NLRC4: variants seen among roughly 807,000 people sequenced by gnomAD.
NLRC4 encodes the protein NLR family CARD domain-containing protein 4.
Under a neutral mutation model 79.9 loss-of-function variants are expected in NLRC4, and 63 were observed. That is an observed-to-expected ratio of 0.79 (90% CI 0.64 to 0.97). The LOEUF is 0.97. Ranked by LOEUF, NLRC4 falls within the 50% of genes least tolerant of loss-of-function variation. The probability of loss-of-function intolerance (pLI) is 0.00; values close to 1 mark genes in which losing one functional copy is unlikely to be tolerated. For synonymous variants in NLRC4, 461 were observed against 456.5 expected, an observed-to-expected ratio of 1.01 and a Z score of -0.12; for missense variants, 1,074 against 1,215.2, an observed-to-expected ratio of 0.88 and a Z score of 1.73.
chr2:32,247,298 T>C (rs927554721), intron 4 of NLRC4, among the ~76,000 whole-genome samples: 1 of 151,220 alleles, frequency 6.6e-6, no homozygotes, highest in Non-Finnish European at 1.5e-5. Context: ...AACCTGCGTA[T>C]ATATTTATTT....
intron 1 of NLRC4, among the ~76,000 whole-genome samples, chr2:32,263,167 C>G (rs1407234778): frequency 6.6e-6 from 1 of 151,954 alleles, no homozygotes; most frequent in Non-Finnish European, 1.5e-5. Flanking sequence ...GGAAAGAGTA[C>G]ATATAATTAG....
chr2:32,241,170 A>G, intron 4 of NLRC4, 45 bp from the exon 5 acceptor site: 4 of 1,146,242 alleles, frequency 3.5e-6, no homozygotes, highest in Non-Finnish European at 5.2e-6. Flanking sequence ...GATATTTGCT[A>G]TTTACTATGT....
At chr2:32,264,533 C>T (rs1687424438) in intron 1 of NLRC4, among the ~76,000 whole-genome samples, 1 of 151,686 alleles carries the variant, frequency 6.6e-6, no homozygotes, top group African/African-American at 2.4e-5. Context: ...GTACATGTAC[C>T]CCTTGAACCT....
At chr2:32,226,067 G>A (rs563114753) in intron 8 of NLRC4, among the ~76,000 whole-genome samples, 28 of 152,216 alleles carry the variant, frequency 1.8e-4, no homozygotes, top group African/African-American at 6.7e-4. Flanking sequence ...GGAAAGATTC[G>A]GTGCTGTACA....
At chr2:32,252,325 G>T in intron 3 of NLRC4, 94 bp downstream of exon 3, 1 of 906,774 alleles carries the variant, frequency 1.1e-6, no homozygotes, top group Non-Finnish European at 1.7e-6. Flanking sequence ...GATATGAAGA[G>T]AAGGAAAAGC....
chr2:32,256,075 A>T (rs1427503092), intron 2 of NLRC4, among the ~76,000 whole-genome samples: 2 of 152,122 alleles, frequency 1.3e-5, no homozygotes, highest in Admixed American at 1.3e-4. Flanking sequence ...TTATTTTACT[A>T]TGTTATATCT....
chr2:32,225,516 A>C (rs1235741841), intron 8 of NLRC4, among the ~76,000 whole-genome samples: 1 of 152,014 alleles, frequency 6.6e-6, no homozygotes, highest in Non-Finnish European at 1.5e-5. Flanking sequence ...CTGGAACCCA[A>C]GTGAGTCTTG....
chr2:32,257,268 A>G (rs1459265688), intron 1 of NLRC4, among the ~76,000 whole-genome samples: 2 of 152,188 alleles, frequency 1.3e-5, no homozygotes, highest in Non-Finnish European at 2.9e-5. Context: ...GGAATCATCC[A>G]GGGAGGAAGT....
intron 3 of NLRC4, 41 bp downstream of exon 3, chr2:32,252,378 T>C (rs1342822633): frequency 2.7e-6 from 4 of 1,488,978 alleles, no homozygotes; most frequent in Non-Finnish European, 3.7e-6. Context: ...TTGTGGTCTA[T>C]TCTACTTGCA....
intron 8 of NLRC4, among the ~76,000 whole-genome samples, chr2:32,227,339 C>G (rs1183343939): frequency 6.6e-6 from 1 of 152,208 alleles, no homozygotes; most frequent in Non-Finnish European, 1.5e-5. Context: ...CTATGCCCAG[C>G]CCAAATAGTA....
chr2:32,252,562 A>C lies in NLRC4; in HGVS notation c.119T>G (p.Ile40Ser), dbSNP rs761429797. 6.2e-7 allele frequency: 1 copy of C among 1,614,206 alleles called. No homozygotes were observed. The highest frequency in any genetic ancestry group is 8.5e-7 in the Non-Finnish European group (1 of 1,180,032). Residue 40 changes from isoleucine (I) to serine (S), a missense_variant, in exon 3 of 9, where the codon ATC becomes AGC. By Grantham distance (142) the Ile-to-Ser change is moderately radical. Transcript: ENST00000402280. ...CTGCTCCACCTTCTCGCAGCAAATG[A>C]TGTTTACTTCTTCGCGATTCAGAAC... ...WNVLNREEVNIICCEKVEQDA... is the reference protein window; with the variant it reads ...WNVLNREEVNSICCEKVEQDA...
In NLRC4 at chr2:32,252,662, T is replaced by C; in HGVS notation, c.19A>G (p.Asn7Asp). Residue 7 changes from asparagine (N) to aspartate (D), a missense_variant, in exon 3 of 9, where the codon AAT becomes GAT. Physicochemically the swap from Asn to Asp is conservative, Grantham distance 23. Transcript: ENST00000402280. MNFIKD[N>D]SRALIQRMGM... is the part of the protein sequence containing the mutation. ...ATTCTTTGAATAAGGGCTCGGCTAT[T>C]GTCCTTTATGAAATTCACTGAGGAG... is the stretch of plus-strand genomic sequence containing the variant. 1 of 1,613,166 alleles carries C rather than the reference T, an allele frequency of 6.2e-7. No homozygotes were observed. Among genetic ancestry groups the C allele is most frequent in the Non-Finnish European group, 8.5e-7 (1 of 1,179,092 alleles).
rs369824099 is a variant in NLRC4 at position 32,255,804 on chromosome 2, G to T, written c.1+971C>A. Among the ~76,000 whole-genome samples the T allele has an allele frequency of 2.6e-5, 4 of 152,200 alleles. No homozygotes were observed. The East Asian group carries it at 7.7e-4, about 29-fold the overall frequency. Reference sequence around the variant, plus strand: ...CCGAGGCGGGTGGATCACGAGGTCAGGAGATCGAGATCATCCTGGCTAATA... The same window carrying T: ...CCGAGGCGGGTGGATCACGAGGTCATGAGATCGAGATCATCCTGGCTAATA... On this transcript the variant is annotated intron_variant, in intron 2 of 8. Coordinates refer to ENST00000402280, the MANE Select transcript of NLRC4 (RefSeq NM_001199138.2).
In NLRC4 at chr2:32,249,594, A is replaced by T. The variant is rs766009485; in HGVS notation, c.2257+13T>A. The T allele has an allele frequency of 6.5e-7, 1 of 1,548,942 alleles. No homozygotes were observed. Among genetic ancestry groups the T allele is most frequent in the Non-Finnish European group, 8.7e-7 (1 of 1,147,194 alleles). ...TAAGTGAACAAAGCACAAACCACTG[A>T]TATTTACAATACCCGGCAGCCGTTG... is the stretch of plus-strand genomic sequence containing the variant. On this transcript the variant is annotated intron_variant, in intron 4 of 8. Transcript: ENST00000402280.
At chr2:32,231,316 G>A (rs1019338102) in intron 8 of NLRC4, among the ~76,000 whole-genome samples, 2 of 151,544 alleles carry the variant, frequency 1.3e-5, no homozygotes, top group African/African-American at 2.4e-5. Flanking sequence ...CACCACGCCC[G>A]GCTAATTTTT....
At chr2:32,253,754 C>T (rs1274389253) in intron 2 of NLRC4, among the ~76,000 whole-genome samples, 2 of 151,778 alleles carry the variant, frequency 1.3e-5, no homozygotes. Context: ...CACCAGAGGT[C>T]GGGAGTTCGA....
At position 32,241,142 on chromosome 2, in the gene NLRC4, G is replaced by A. The variant is rs1686790435; in HGVS notation, c.2258-17C>T. 1.4e-6 allele frequency: 2 copies of A among 1,462,430 alleles called. No homozygotes were observed. The highest frequency in any genetic ancestry group is 1.9e-6 in the Non-Finnish European group (2 of 1,047,874). 90.6% of individuals were successfully genotyped at this position (1,462,430 alleles called of 1,614,324 possible). On this transcript the variant is annotated splice_polypyrimidine_tract_variant and intron_variant, in intron 4 of 8. Transcript: ENST00000402280. ...TCAGACCACCTGTCAAAAGAAAAAA[G>A]ATTGGACTCTTTCAGCAGATATTTG...
intron 4 of NLRC4, among the ~76,000 whole-genome samples, chr2:32,249,345 A>C (rs1438423609): frequency 6.6e-6 from 1 of 152,204 alleles, no homozygotes; most frequent in Non-Finnish European, 1.5e-5. Context: ...GACCACCTTC[A>C]TGAATATTCA....
At position 32,250,809 on chromosome 2, in the gene NLRC4, CT is replaced by C; in HGVS notation, c.1054del (p.Ser352ValfsTer19). Reference protein sequence around the residue: ...VITCAIQMGESEFHSHTQTTL... With the variant: ...VITCAIQMGEXEFHSHTQTTL... ...TGTTTGTGTGTGAGAGTGGAACTCACTTTCACCCATCTGGATTGCACAAGTG... is the reference window on the plus strand; with the variant it reads ...TGTTTGTGTGTGAGAGTGGAACTCACTTCACCCATCTGGATTGCACAAGTG... On this transcript the variant is annotated frameshift_variant, in exon 4 of 9. Transcript: ENST00000402280. LOFTEE classifies it high-confidence loss of function. This position sits in a 1 kb window ranked among gnomAD's most constrained non-coding sequence, Gnocchi z 4.9. 6.2e-7 allele frequency: 1 copy of C among 1,614,222 alleles called. No homozygotes were observed. Among genetic ancestry groups the C allele is most frequent in the African/African-American group, 1.3e-5 (1 of 75,064 alleles).
Sources: allele counts gnomAD v4.1 joint callset (sites outside exome capture counted in the v4.1 genomes callset), GRCh38; gene constraint gnomAD v4.1.1; non-coding constraint Gnocchi (gnomAD v3.1); transcripts MANE v1.5; gene names NCBI Gene and HGNC (gene_info 2026-07-23, HGNC 2026-07-21).